Variants in UBE4B observed in about 807,000 individuals in gnomAD.
UBE4B encodes the protein ubiquitin conjugation factor E4 B.
UBE4B carries 27 observed loss-of-function variants against 148.1 expected under a neutral mutation model. The observed-to-expected ratio is 0.18, with a 90% CI of 0.13 to 0.25. UBE4B has a LOEUF of 0.25. Among genes scored for constraint, UBE4B ranks in the 10% least tolerant of loss-of-function variants. The pLI, the probability that UBE4B is intolerant of heterozygous loss-of-function variation, is 1.00. For synonymous variants in UBE4B, 596 were observed against 619.3 expected (o/e 0.96, Z 0.56); for missense variants, 1,170 against 1,662.4 (o/e 0.70, Z 5.15).
chr1:10,102,637 C>G (rs1645035168), intron 4 of UBE4B, among the ~76,000 whole-genome samples: 1 of 151,912 alleles, frequency 6.6e-6, no homozygotes, highest in Non-Finnish European at 1.5e-5. Context: ...TCTTGAGCTC[C>G]TGACCTCAGG....
Position 10,145,059 on chromosome 1 carries a change from A to G in UBE4B, c.2463+20A>G. 6.3e-7 allele frequency: 1 copy of G among 1,592,778 alleles called. No homozygotes were observed. Among genetic ancestry groups the G allele is most frequent in the Non-Finnish European group, 8.6e-7 (1 of 1,161,880 alleles). On this transcript the variant is annotated intron_variant, in intron 18 of 27. Transcript: ENST00000343090. Reference sequence around the variant, plus strand: ...CTTAAGGTTTGTATAGCTAAGTGGAATAATTATAGACCAGCCTCATAGTGA... The same window carrying G: ...CTTAAGGTTTGTATAGCTAAGTGGAGTAATTATAGACCAGCCTCATAGTGA...
At chr1:10,121,810 G>A (rs1645415684) in intron 9 of UBE4B, 152 bp from the exon 10 acceptor site, 2 of 494,304 alleles carry the variant, frequency 4.0e-6, no homozygotes, top group African/African-American at 1.9e-5. Flanking sequence ...CTATTGGTAA[G>A]AAGGGTTAGC....
At chr1:10,166,972 A>C (rs10864447) in intron 23 of UBE4B, among the ~76,000 whole-genome samples, 39,641 of 118,854 alleles carry the variant, frequency 0.33, 5,087 homozygotes, top group African/African-American at 0.37. Context: ...CACACACACA[A>C]AAAAAAAAAA....
Position 10,106,209 on chromosome 1 carries a change from T to C in UBE4B, c.822T>C (p.Ser274=). Residue 274 remains serine, a synonymous_variant, in exon 7 of 28, where the codon AGT becomes AGC. Coordinates refer to ENST00000343090, the MANE Select transcript of UBE4B (RefSeq NM_001105562.3). This position sits in a 1 kb window ranked among gnomAD's most constrained non-coding sequence, Gnocchi z 4.2. ...GASSLSSLYE[S]SPAPTPSFWS... Reference sequence around the variant, plus strand: ...TCAACTAATTTAGCCTCTATGAAAGTAGTCCGGCTCCCACTCCCAGTTTCT... The same window carrying C: ...TCAACTAATTTAGCCTCTATGAAAGCAGTCCGGCTCCCACTCCCAGTTTCT... The C allele has an allele frequency of 6.3e-7, 1 of 1,597,646 alleles. No individual in the cohort carries two copies. The highest frequency in any genetic ancestry group is 2.2e-5 in the East Asian group (1 of 44,464).
chr1:10,162,283 C>T (rs1571010022), intron 23 of UBE4B, among the ~76,000 whole-genome samples: 1 of 152,348 alleles, frequency 6.6e-6, no homozygotes, highest in African/African-American at 2.4e-5. Flanking sequence ...AAGTGATTCT[C>T]CTGCCTCAGC....
intron 24 of UBE4B, among the ~76,000 whole-genome samples, chr1:10,169,925 G>T (rs554891553): frequency 6.6e-6 from 1 of 152,308 alleles, no homozygotes; most frequent in East Asian, 1.9e-4. Context: ...TGTGGCAGGA[G>T]AATCACTTGA....
At chr1:10,116,918 A>C (rs1278714141) in intron 7 of UBE4B, among the ~76,000 whole-genome samples, 1 of 152,180 alleles carries the variant, frequency 6.6e-6, no homozygotes, top group Non-Finnish European at 1.5e-5. Flanking sequence ...TGATAGTTTT[A>C]GAGTTTTTAT....
chr1:10,171,042 C>A lies in UBE4B; in HGVS notation c.3334-96C>A, dbSNP rs1270182214. The A allele has an allele frequency of 5.3e-6, 7 of 1,322,548 alleles. No homozygotes were observed. In the East Asian group the frequency reaches 1.4e-4, roughly 26 times the overall value. The allele number at this position is 1,322,548 out of a possible 1,614,324, so 81.9% of individuals were successfully genotyped here. On this transcript the variant is annotated intron_variant, in intron 24 of 27. Coordinates refer to ENST00000343090, the MANE Select transcript of UBE4B (RefSeq NM_001105562.3). ...CTGTAAGGATTCTTTGAAGATTAAT[C>A]CAACCAATTCCTGTTCCTCCACTGA...
intron 23 of UBE4B, among the ~76,000 whole-genome samples, chr1:10,164,107 G>A (rs537090579): frequency 2.6e-5 from 4 of 152,078 alleles, no homozygotes; most frequent in East Asian, 3.9e-4. Context: ...TTGGGAGGCC[G>A]AGGCCGGCAG....
chr1:10,144,640 C>G (rs1645837814), intron 17 of UBE4B, among the ~76,000 whole-genome samples: 1 of 150,848 alleles, frequency 6.6e-6, no homozygotes, highest in South Asian at 2.1e-4. Flanking sequence ...GAGTTTGAGG[C>G]AGGAGAATCA....
chr1:10,039,294 T>C (rs1464670397), intron 1 of UBE4B, among the ~76,000 whole-genome samples: 1 of 152,068 alleles, frequency 6.6e-6, no homozygotes, highest in African/African-American at 2.4e-5. Flanking sequence ...GCAGTTGCCC[T>C]GGGAACTGGC....
chr1:10,125,738 C>T (rs1645482187), intron 10 of UBE4B, among the ~76,000 whole-genome samples: 1 of 152,164 alleles, frequency 6.6e-6, no homozygotes, highest in Non-Finnish European at 1.5e-5. Flanking sequence ...TGAAGATGAG[C>T]TAGGCTGAGT....
At chr1:10,051,417 A>C (rs1644041845) in intron 1 of UBE4B, among the ~76,000 whole-genome samples, 1 of 152,334 alleles carries the variant, frequency 6.6e-6, no homozygotes, top group East Asian at 1.9e-4. Flanking sequence ...GTTGGTGTCC[A>C]TATAACATCT....
intron 2 of UBE4B, 33 bp from the exon 3 acceptor site, chr1:10,095,428 T>C: frequency 6.2e-7 from 1 of 1,610,618 alleles, no homozygotes; most frequent in South Asian, 1.1e-5. Context: ...TTATTTCACA[T>C]GGGGCTTCAT....
intron 23 of UBE4B, among the ~76,000 whole-genome samples, chr1:10,167,441 AAATAAT>A (rs200457569): frequency 1.5e-3 from 214 of 147,178 alleles, no homozygotes; most frequent in Middle Eastern, 3.5e-3. Flanking sequence ...CCGTCTCAAA[AAATAAT>A]AATAATAATA....
At chr1:10,166,515 C>T (rs1435237377) in intron 23 of UBE4B, among the ~76,000 whole-genome samples, 1 of 152,118 alleles carries the variant, frequency 6.6e-6, no homozygotes, top group Non-Finnish European at 1.5e-5. Flanking sequence ...TGGCTGAGCA[C>T]GGTGGCTTAC....
At chr1:10,046,853 C>T (rs1225768463) in intron 1 of UBE4B, among the ~76,000 whole-genome samples, 3 of 152,162 alleles carry the variant, frequency 2.0e-5, no homozygotes, top group African/African-American at 4.8e-5. Context: ...TTGTAGACCG[C>T]GGACATTCCT....
chr1:10,180,113 G>T lies in UBE4B; in HGVS notation c.*157G>T. On this transcript the variant is annotated 3_prime_UTR_variant, in exon 28 of 28. Coordinates refer to ENST00000343090, the MANE Select transcript of UBE4B (RefSeq NM_001105562.3). ...GCGAGCAAACGCTGAGACCTGAAAGGACATGGATGAGAAGAGGAGCCCGCT... is the reference window on the plus strand; with the variant it reads ...GCGAGCAAACGCTGAGACCTGAAAGTACATGGATGAGAAGAGGAGCCCGCT... The T allele has an allele frequency of 1.3e-6, 1 of 788,862 alleles. No individual in the cohort carries two copies. Among genetic ancestry groups the T allele is most frequent in the South Asian group, 1.7e-5 (1 of 57,984 alleles). 48.9% of individuals were successfully genotyped at this position (788,862 alleles called of 1,614,324 possible). A position where few individuals can be genotyped will look rare whatever the true frequency, so the allele number is the denominator to read the frequency against.
intron 5 of UBE4B, among the ~76,000 whole-genome samples, chr1:10,104,067 C>G (rs534168580): frequency 6.6e-6 from 1 of 152,152 alleles, no homozygotes; most frequent in Admixed American, 6.6e-5. Context: ...GCCTTACCTC[C>G]TCTTATGAAG....
Sources: gnomAD v4.1 joint callset for allele counts (sites outside exome capture counted in the v4.1 genomes callset) on GRCh38, gnomAD v4.1.1 for gene constraint, Gnocchi (gnomAD v3.1) non-coding constraint, MANE v1.5 for transcripts, NCBI Gene and HGNC (gene_info 2026-07-23, HGNC 2026-07-21) for gene names.